Variants in RAD51B observed in about 807,000 individuals in gnomAD.
RAD51B encodes DNA repair protein RAD51 homolog 2.
RAD51B carries 38 observed loss-of-function variants against 42.2 expected under a neutral mutation model. The ratio of observed to expected loss-of-function variants is 0.90; its 90% CI spans 0.70 to 1.18. The LOEUF (loss-of-function observed/expected upper bound fraction) is 1.18, where lower values mean the gene tolerates loss of function less well. Among genes scored for constraint, RAD51B ranks in the 50% most tolerant of loss-of-function variants. RAD51B has a pLI of 0.00. For synonymous variants in RAD51B, 154 were observed against 145.2 expected (o/e 1.06, Z -0.43); for missense variants, 373 against 400.7 (o/e 0.93, Z 0.59).
intron 8 of RAD51B, among the ~76,000 whole-genome samples, chr14:68,342,521 G>A (rs2082591887): frequency 6.6e-6 from 1 of 152,076 alleles, no homozygotes; most frequent in African/African-American, 2.4e-5. Flanking sequence ...CCAGTTTTGG[G>A]GAAGCTCACT....
intron 7 of RAD51B, among the ~76,000 whole-genome samples, chr14:68,020,528 A>G (rs1566583534): frequency 6.6e-6 from 1 of 152,340 alleles, no homozygotes; most frequent in Middle Eastern, 3.4e-3. Context: ...ATAGAAGACT[A>G]AAAAATAGGA....
intron 7 of RAD51B, among the ~76,000 whole-genome samples, chr14:67,925,065 C>T (rs890083754): frequency 6.6e-6 from 1 of 152,214 alleles, no homozygotes; most frequent in African/African-American, 2.4e-5. Context: ...GCAGGGCAGT[C>T]AAATCTTAAA....
At chr14:68,313,268 A>G (rs1469247604) in intron 8 of RAD51B, among the ~76,000 whole-genome samples, 6 of 152,118 alleles carry the variant, frequency 3.9e-5, no homozygotes, top group African/African-American at 1.2e-4. Context: ...TTGGGCCCCA[A>G]AGAGGGGTAC....
intron 11 of RAD51B, among the ~76,000 whole-genome samples, chr14:68,656,301 A>G (rs957522972): frequency 5.3e-5 from 8 of 152,182 alleles, no homozygotes; most frequent in African/African-American, 1.9e-4. Flanking sequence ...GCCCACCCAC[A>G]GAGATGACTA....
At chr14:68,535,018 C>G (rs1887535451) in intron 10 of RAD51B, among the ~76,000 whole-genome samples, 1 of 152,062 alleles carries the variant, frequency 6.6e-6, no homozygotes, top group African/African-American at 2.4e-5. Context: ...GGTTAAGTAG[C>G]TTGCCTAAGT....
intron 7 of RAD51B, among the ~76,000 whole-genome samples, chr14:67,937,125 T>A (rs2044983351): frequency 6.6e-6 from 1 of 152,216 alleles, no homozygotes; most frequent in South Asian, 2.1e-4. Flanking sequence ...TTTAGAAGGA[T>A]TTGCAGTAGG....
intron 10 of RAD51B, among the ~76,000 whole-genome samples, chr14:68,622,769 G>T (rs761951): frequency 0.9 from 133,925 of 148,648 alleles, 60,550 homozygotes; most frequent in African/African-American, 0.97. Context: ...CCTCCTGAGG[G>T]CTATTTGTGT....
At position 67,848,205 on chromosome 14, in the gene RAD51B, G is replaced by A. The variant is rs145054018; in HGVS notation, c.315+13009G>A. Among the ~76,000 whole-genome samples, 503 of 152,270 alleles carry A rather than the reference G, an allele frequency of 3.3e-3. 3 individuals carry two copies. Among genetic ancestry groups the A allele is most frequent in the African/African-American group, 0.012 (480 of 41,550 alleles). The stretch of plus-strand genomic sequence containing the variant: ...AACTAATTTTTGTATTTTTAGTAGA[G>A]ATGGGGTTTCACCATGTCGGCCAGG... On this transcript the variant is annotated intron_variant, in intron 4 of 10. Coordinates refer to ENST00000471583, the MANE Select transcript of RAD51B (RefSeq NM_133510.4).
At chr14:68,268,648 A>G (rs2081042075) in intron 7 of RAD51B, among the ~76,000 whole-genome samples, 1 of 152,164 alleles carries the variant, frequency 6.6e-6, no homozygotes. Context: ...CTAAATATCT[A>G]CATATATGTG....
chr14:68,430,925 A>G (rs1287516445), intron 9 of RAD51B, among the ~76,000 whole-genome samples: 4 of 152,172 alleles, frequency 2.6e-5, no homozygotes, highest in African/African-American at 4.8e-5. Context: ...GATATGTCCC[A>G]TCAATACCTA....
At chr14:68,443,978 G>A (rs532270664) in intron 9 of RAD51B, among the ~76,000 whole-genome samples, 1 of 152,260 alleles carries the variant, frequency 6.6e-6, no homozygotes, top group African/African-American at 2.4e-5. Context: ...AAAGCATTAT[G>A]TACTCATATT....
At chr14:68,365,601 T>A (rs760637241) in intron 8 of RAD51B, among the ~76,000 whole-genome samples, 5 of 152,244 alleles carry the variant, frequency 3.3e-5, no homozygotes, top group Admixed American at 6.5e-5. Context: ...TTTCAGATTA[T>A]TAACTTACCA....
intron 10 of RAD51B, among the ~76,000 whole-genome samples, chr14:68,581,954 T>A (rs959132732): frequency 6.6e-6 from 1 of 152,190 alleles, no homozygotes; most frequent in Non-Finnish European, 1.5e-5. Flanking sequence ...TGGCTAGCCA[T>A]ATGCAGAAAA....
chr14:68,397,522 G>A (rs529120386), intron 8 of RAD51B, among the ~76,000 whole-genome samples: 1 of 152,308 alleles, frequency 6.6e-6, no homozygotes, highest in Admixed American at 6.5e-5. Context: ...CATCTCCATT[G>A]CCTAAGCCCC....
intron 9 of RAD51B, among the ~76,000 whole-genome samples, chr14:68,431,105 T>G (rs2084992212): frequency 1.3e-5 from 2 of 152,170 alleles, no homozygotes; most frequent in Non-Finnish European, 2.9e-5. Context: ...TGAAGCCCAC[T>G]TGATCATGGT....
At chr14:67,859,265 A>G (rs1318918515) in intron 4 of RAD51B, among the ~76,000 whole-genome samples, 1 of 152,252 alleles carries the variant, frequency 6.6e-6, no homozygotes, top group Non-Finnish European at 1.5e-5. Flanking sequence ...AACAAAATCA[A>G]AGTTCACAAA....
At position 68,555,136 on chromosome 14, in the gene RAD51B, G is replaced by A. The variant is rs564099268; in HGVS notation, c.1037-39349G>A. Among the ~76,000 whole-genome samples, 5 of 152,240 alleles carry A rather than the reference G, an allele frequency of 3.3e-5. No homozygotes were observed. The South Asian group carries it at 1.0e-3, about 32-fold the overall frequency. ...GCTGGGATTACAGGCATGAGCTACC[G>A]TGCCCGGCCAAAAAAATATTCTTAA... On this transcript the variant is annotated intron_variant, in intron 10 of 10. Coordinates refer to the RAD51B transcript ENST00000487270.
At chr14:68,294,357 A>T (rs147501394) in intron 8 of RAD51B, among the ~76,000 whole-genome samples, 1 of 152,212 alleles carries the variant, frequency 6.6e-6, no homozygotes, top group African/African-American at 2.4e-5. Context: ...CCTATAGTCT[A>T]TAATGAAGGT....
intron 4 of RAD51B, among the ~76,000 whole-genome samples, chr14:67,839,643 G>A (rs956797488): frequency 6.6e-6 from 1 of 151,750 alleles, no homozygotes; most frequent in Middle Eastern, 3.4e-3. Context: ...GTTGTTCTTT[G>A]TTGGTCTTCT....
Sources: allele counts gnomAD v4.1 joint callset (sites outside exome capture counted in the v4.1 genomes callset), GRCh38; gene constraint gnomAD v4.1.1; transcripts MANE v1.5; gene names NCBI Gene and HGNC (gene_info 2026-07-23, HGNC 2026-07-21).